ZNRF1: variants seen among roughly 807,000 people sequenced by gnomAD.
The protein encoded by ZNRF1 is E3 ubiquitin-protein ligase ZNRF1.
ZNRF1 carries 3 observed loss-of-function variants against 18.4 expected under a neutral mutation model. The observed-to-expected ratio is 0.16, with a 90% CI of 0.07 to 0.42. The LOEUF (loss-of-function observed/expected upper bound fraction) is 0.42. ZNRF1 is among the 10% of genes least tolerant of loss of function. The probability of loss-of-function intolerance (pLI) is 0.99; values close to 1 mark genes in which losing one functional copy is unlikely to be tolerated. For synonymous variants in ZNRF1, 157 were observed against 144.2 expected, an observed-to-expected ratio of 1.09 and a Z score of -0.64; for missense variants, 310 against 329.8, an observed-to-expected ratio of 0.94 and a Z score of 0.47.
intron 1 of ZNRF1, among the ~76,000 whole-genome samples, chr16:75,024,590 T>C (rs943224470): frequency 2.0e-5 from 3 of 152,180 alleles, no homozygotes; most frequent in African/African-American, 7.2e-5. Flanking sequence ...ACAAAAAAGA[T>C]GGCTTGTAAG....
intron 1 of ZNRF1, among the ~76,000 whole-genome samples, chr16:75,065,203 A>C (rs910587901): frequency 3.9e-5 from 6 of 152,226 alleles, no homozygotes; most frequent in African/African-American, 1.4e-4. Context: ...ATGATAAGAA[A>C]GCCTGGGGGA....
intron 1 of ZNRF1, among the ~76,000 whole-genome samples, chr16:75,017,503 A>G (rs1304018056): frequency 6.6e-6 from 1 of 152,244 alleles, no homozygotes; most frequent in African/African-American, 2.4e-5. Context: ...ATTGACATCC[A>G]TTATGTTCTT....
chr16:75,074,841 G>A (rs1692605927), intron 1 of ZNRF1, among the ~76,000 whole-genome samples: 1 of 152,306 alleles, frequency 6.6e-6, no homozygotes, highest in Non-Finnish European at 1.5e-5. Flanking sequence ...GCCTGGGCAG[G>A]AGGATCACTT....
chr16:75,098,092 A>G (rs1333018589), intron 2 of ZNRF1, among the ~76,000 whole-genome samples: 1 of 152,208 alleles, frequency 6.6e-6, no homozygotes, highest in Admixed American at 6.5e-5. Flanking sequence ...GGCTGGAGTC[A>G]GACTGCGGAG....
intron 1 of ZNRF1, among the ~76,000 whole-genome samples, chr16:75,080,939 C>T (rs1199706413): frequency 2.0e-5 from 3 of 151,984 alleles, no homozygotes; most frequent in Non-Finnish European, 2.9e-5. Context: ...TTTGGGAGGC[C>T]AAGGTGGGCG....
intron 1 of ZNRF1, among the ~76,000 whole-genome samples, chr16:75,015,668 GAA>G (rs2035056443): frequency 6.6e-6 from 1 of 152,092 alleles, no homozygotes; most frequent in African/African-American, 2.4e-5. Context: ...ACTGCAGCCT[GAA>G]ACTCCTGGAG....
chr16:75,047,267 G>C (rs1205009391), intron 1 of ZNRF1, among the ~76,000 whole-genome samples: 4 of 152,080 alleles, frequency 2.6e-5, no homozygotes, highest in Non-Finnish European at 5.9e-5. Flanking sequence ...TGAACTCCTG[G>C]GCTCAAGCAG....
chr16:75,007,664 G>A (rs2034939757), intron 1 of ZNRF1, among the ~76,000 whole-genome samples: 1 of 152,184 alleles, frequency 6.6e-6, no homozygotes, highest in Admixed American at 6.5e-5. Flanking sequence ...TAACGATGCA[G>A]ATGACTGGAC....
intron 1 of ZNRF1, among the ~76,000 whole-genome samples, chr16:75,036,259 G>A (rs1334316964): frequency 6.6e-6 from 1 of 152,066 alleles, no homozygotes; most frequent in Non-Finnish European, 1.5e-5. Context: ...TTTTCGTAGA[G>A]ATGAGCTCTC....
intron 1 of ZNRF1, among the ~76,000 whole-genome samples, chr16:75,054,433 AG>A (rs1313706301): frequency 6.6e-6 from 1 of 152,204 alleles, no homozygotes; most frequent in African/African-American, 2.4e-5. Flanking sequence ...TGGTGGCTCA[AG>A]GGACAAGCCA....
chr16:75,024,998 T>C (rs1008574236), intron 1 of ZNRF1, among the ~76,000 whole-genome samples: 4 of 152,234 alleles, frequency 2.6e-5, no homozygotes, highest in African/African-American at 9.6e-5. Context: ...CTCTTTCTTA[T>C]TTAATGTCCT....
In ZNRF1 at chr16:75,108,621, ATGT is replaced by A; in HGVS notation, c.*923_*925del. On this transcript the variant is annotated 3_prime_UTR_variant, in exon 5 of 5. Coordinates refer to ENST00000335325, the MANE Select transcript of ZNRF1 (RefSeq NM_032268.5). ...TAAAATACAAAAAAAAACTTATAAAATGTTTAAAAAAATGTTCAAAGCTTGGGA... is the reference window on the plus strand; with the variant it reads ...TAAAATACAAAAAAAAACTTATAAAATTAAAAAAATGTTCAAAGCTTGGGA... 2.5e-6 allele frequency: 1 copy of A among 398,960 alleles called. No homozygotes were observed. Among genetic ancestry groups the A allele is most frequent in the East Asian group, 3.6e-5 (1 of 28,064 alleles). The allele number at this position is 398,960 out of a possible 1,614,324, so 24.7% of individuals were successfully genotyped here.
At chr16:75,051,253 T>G (rs144258664) in intron 1 of ZNRF1, among the ~76,000 whole-genome samples, 3,151 of 152,072 alleles carry the variant, frequency 0.021, 135 homozygotes, top group African/African-American at 0.073. Flanking sequence ...TGTCGCCTAG[T>G]CTGGAGTGCA....
chr16:75,015,014 G>A (rs189826415), intron 1 of ZNRF1, among the ~76,000 whole-genome samples: 3 of 152,016 alleles, frequency 2.0e-5, no homozygotes, highest in African/African-American at 7.2e-5. Context: ...TTACTGGTTT[G>A]TACGAATTTG....
chr16:75,010,309 A>C (rs2034977650), intron 1 of ZNRF1, among the ~76,000 whole-genome samples: 1 of 152,058 alleles, frequency 6.6e-6, no homozygotes, highest in Non-Finnish European at 1.5e-5. Context: ...TTCGTTGTTG[A>C]TTTTAGTGCA....
intron 1 of ZNRF1, among the ~76,000 whole-genome samples, chr16:75,087,656 C>G (rs1237261930): frequency 6.6e-6 from 1 of 152,230 alleles, no homozygotes; most frequent in Non-Finnish European, 1.5e-5. Context: ...GACACATTCC[C>G]CACAATGCTC....
chr16:75,078,791 T>C (rs960026369), intron 1 of ZNRF1, among the ~76,000 whole-genome samples: 1 of 152,230 alleles, frequency 6.6e-6, no homozygotes, highest in Non-Finnish European at 1.5e-5. Context: ...TGAGGACCAA[T>C]ACAGATATTG....
chr16:75,063,141 A>G (rs2035762985), intron 1 of ZNRF1, among the ~76,000 whole-genome samples: 1 of 152,176 alleles, frequency 6.6e-6, no homozygotes, highest in African/African-American at 2.4e-5. Context: ...GAGTCATGCG[A>G]GTGGTTAGGG....
chr16:75,009,747 C>T (rs2034969601), intron 1 of ZNRF1, among the ~76,000 whole-genome samples: 1 of 151,752 alleles, frequency 6.6e-6, no homozygotes. Flanking sequence ...ATTTTATATT[C>T]CTACCAACAG....
Sources: gnomAD v4.1 joint callset for allele counts (sites outside exome capture counted in the v4.1 genomes callset) on GRCh38, gnomAD v4.1.1 for gene constraint, MANE v1.5 for transcripts, NCBI Gene and HGNC (gene_info 2026-07-23, HGNC 2026-07-21) for gene names.